Variants in HMCN1 observed in about 807,000 individuals in gnomAD.
The protein encoded by HMCN1 is hemicentin-1.
In HMCN1, 321 loss-of-function variants were observed where a neutral mutation model predicts 625.9. The ratio of observed to expected loss-of-function variants is 0.51; its 90% confidence interval spans 0.47 to 0.56. The LOEUF is 0.56. HMCN1 is among the 20% of genes least tolerant of loss of function. HMCN1 has a pLI of 0.00. For synonymous variants in HMCN1, 2,425 were observed against 2,417.6 expected (o/e 1.00, Z -0.09); for missense variants, 6,588 against 6,887.3 (o/e 0.96, Z 1.54).
In HMCN1 at chr1:185,771,980, G is replaced by A. The variant is rs74901659; in HGVS notation, c.268+36933G>A. Among the ~76,000 whole-genome samples, 268 of 152,292 alleles carry A rather than the reference G, an allele frequency of 1.8e-3. 1 individual carries two copies. Among genetic ancestry groups the A allele is most frequent in the African/African-American group, 5.8e-3 (241 of 41,570 alleles). On this transcript the variant is annotated intron_variant, in intron 1 of 106. Transcript: ENST00000271588. ...GAAGTAACCAAAAATGAAATAATGC[G>A]TGAGAAGTTTGGAGGACCCAAAGAA...
intron 1 of HMCN1, among the ~76,000 whole-genome samples, chr1:185,803,001 A>T (rs533952206): frequency 1.2e-4 from 19 of 152,160 alleles, no homozygotes; most frequent in Admixed American, 1.1e-3. Context: ...AGAACTTTCC[A>T]GAAAAATAAA....
chr1:185,815,455 C>A (rs796940580), intron 1 of HMCN1, among the ~76,000 whole-genome samples: 1 of 150,226 alleles, frequency 6.7e-6, no homozygotes, highest in East Asian at 1.9e-4. Flanking sequence ...TTTTCTCATC[C>A]ATGCTGCCTA....
At chr1:185,820,997 T>C (rs1283486015) in intron 1 of HMCN1, among the ~76,000 whole-genome samples, 2 of 151,966 alleles carry the variant, frequency 1.3e-5, no homozygotes, top group East Asian at 1.9e-4. Context: ...GACACCTTTA[T>C]TGATGAAAAC....
chr1:186,093,769 G>A, intron 66 of HMCN1, 100 bp downstream of exon 66: 11 of 1,505,974 alleles, frequency 7.3e-6, no homozygotes, highest in Non-Finnish European at 1.0e-5. Context: ...TTTTTTCTAA[G>A]CCTTTACAGT....
At chr1:185,958,251 T>C (rs980799003) in intron 11 of HMCN1, among the ~76,000 whole-genome samples, 3 of 152,058 alleles carry the variant, frequency 2.0e-5, no homozygotes, top group Non-Finnish European at 4.4e-5. Context: ...AAGTAGTAGC[T>C]GGGACTACAG....
intron 2 of HMCN1, among the ~76,000 whole-genome samples, chr1:185,859,113 C>A (rs1662705772): frequency 8.1e-6 from 1 of 123,712 alleles, no homozygotes; most frequent in Non-Finnish European, 1.7e-5. Context: ...TATATATAAT[C>A]CTTGTTTATA....
chr1:186,010,005 A>G (rs1312358051), intron 30 of HMCN1, among the ~76,000 whole-genome samples: 2 of 152,116 alleles, frequency 1.3e-5, no homozygotes, highest in African/African-American at 4.8e-5. Flanking sequence ...TGAGAATCTG[A>G]TGCCCTCGTT....
chr1:186,138,869 T>C (rs1020874544), intron 89 of HMCN1, among the ~76,000 whole-genome samples: 3 of 152,200 alleles, frequency 2.0e-5, no homozygotes, highest in African/African-American at 7.2e-5. Flanking sequence ...AAAGAAATCA[T>C]GCAAAGTGGA....
intron 8 of HMCN1, 83 bp downstream of exon 8, chr1:185,923,736 A>G (rs975744911): frequency 9.1e-6 from 10 of 1,096,682 alleles, no homozygotes; most frequent in Admixed American, 8.8e-5. Context: ...CGGACTATCA[A>G]ATAAAAAATA....
At chr1:186,041,189 A>G (rs899923411) in intron 40 of HMCN1, 53 bp downstream of exon 40, 1 of 1,498,766 alleles carries the variant, frequency 6.7e-7, no homozygotes, top group Non-Finnish European at 9.3e-7. Context: ...TTTGGGTCCT[A>G]AAATCATTGA....
At chr1:185,959,874 T>C (rs1043070917) in intron 11 of HMCN1, among the ~76,000 whole-genome samples, 2 of 152,142 alleles carry the variant, frequency 1.3e-5, no homozygotes, top group African/African-American at 2.4e-5. Flanking sequence ...ATTGATGGAG[T>C]TGAACTGTGG....
chr1:185,793,714 A>G (rs1658156704), intron 1 of HMCN1, among the ~76,000 whole-genome samples: 1 of 152,146 alleles, frequency 6.6e-6, no homozygotes, highest in Non-Finnish European at 1.5e-5. Flanking sequence ...TCATTTTTTT[A>G]AAACAGGAGA....
At chr1:185,957,967 A>T (rs1016967850) in intron 11 of HMCN1, among the ~76,000 whole-genome samples, 2 of 152,206 alleles carry the variant, frequency 1.3e-5, no homozygotes, top group African/African-American at 4.8e-5. Context: ...AAAACAGAGG[A>T]AAAAAATCTA....
chr1:185,916,502 A>T (rs1666711781), intron 6 of HMCN1, among the ~76,000 whole-genome samples: 1 of 152,198 alleles, frequency 6.6e-6, no homozygotes, highest in Admixed American at 6.5e-5. Context: ...ATGTTGACGC[A>T]TGAATTCTGA....
At chr1:186,134,146 G>A (rs2102526806) in intron 86 of HMCN1, among the ~76,000 whole-genome samples, 1 of 152,120 alleles carries the variant, frequency 6.6e-6, no homozygotes, top group South Asian at 2.1e-4. Context: ...GTTCAAATTA[G>A]GATTAAAGTA....
In HMCN1 at chr1:185,958,307, C is replaced by T. The variant is rs547574315; in HGVS notation, c.1829-4211C>T. On this transcript the variant is annotated intron_variant, in intron 11 of 106. Transcript: ENST00000271588. The stretch of plus-strand genomic sequence containing the variant: ...TTAATTTTTCTATTTTTAGTAGAGA[C>T]GGGTTTTTGCCCTGTTACCCAGACT... 4.3e-4 allele frequency among the ~76,000 whole-genome samples: 66 copies of T among 152,128 alleles called. 1 individual carries two copies. The highest frequency in any genetic ancestry group is 6.6e-4 in the Admixed American group (10 of 15,256).
At chr1:185,859,841 A>G (rs1478862739) in intron 2 of HMCN1, among the ~76,000 whole-genome samples, 1 of 150,902 alleles carries the variant, frequency 6.6e-6, no homozygotes, top group East Asian at 1.9e-4. Context: ...TTTTTTTTTT[A>G]ATTTTTTATT....
At chr1:185,838,893 A>G (rs1409434131) in intron 1 of HMCN1, among the ~76,000 whole-genome samples, 2 of 152,220 alleles carry the variant, frequency 1.3e-5, no homozygotes, top group Admixed American at 1.3e-4. Context: ...AATTGAAGCA[A>G]GTATTTAGGG....
At chr1:185,838,445 A>AC (rs1050081441) in intron 1 of HMCN1, among the ~76,000 whole-genome samples, 9 of 151,730 alleles carry the variant, frequency 5.9e-5, no homozygotes, top group African/African-American at 1.9e-4. Context: ...TGGGCATTAT[A>AC]CCCCCCAGTC....
Sources: gnomAD v4.1 joint callset for allele counts (sites outside exome capture counted in the v4.1 genomes callset) on GRCh38, gnomAD v4.1.1 for gene constraint, MANE v1.5 for transcripts, NCBI Gene and HGNC (gene_info 2026-07-23, HGNC 2026-07-21) for gene names.